AK6: variants seen among roughly 807,000 people sequenced by gnomAD.
AK6 encodes adenylate kinase 6, also known as adenylate kinase isoenzyme 6.
In AK6, 24 loss-of-function variants were observed where a neutral mutation model predicts 23.7. That is an observed-to-expected ratio of 1.01 (90% CI 0.73 to 1.43). The LOEUF (loss-of-function observed/expected upper bound fraction) is 1.43. AK6 is among the 40% of genes most tolerant of loss of function. AK6 has a pLI of 0.00. For missense variants in AK6, 191 were observed against 199.1 expected (o/e 0.96, Z 0.24); for synonymous variants, 73 against 69.8 (o/e 1.05, Z -0.23).
Position 69,352,056 on chromosome 5 carries a change from A to T in AK6, c.*5T>A. Reference sequence around the variant, plus strand: ...GAGTGATTATTAAGTAGCTAGCCTTATAAGTCAAGAGTTATGATCTTTGAT... The same window carrying T: ...GAGTGATTATTAAGTAGCTAGCCTTTTAAGTCAAGAGTTATGATCTTTGAT... On this transcript the variant is annotated 3_prime_UTR_variant, in exon 5 of 5. Coordinates refer to ENST00000380822, the MANE Select transcript of AK6 (RefSeq NM_016283.5). 1.3e-6 allele frequency: 2 copies of T among 1,599,496 alleles called. No individual in the cohort carries two copies. Among genetic ancestry groups the T allele is most frequent in the Non-Finnish European group, 1.7e-6 (2 of 1,174,068 alleles).
chr5:69,358,699 C>T (rs570337963), intron 2 of AK6, among the ~76,000 whole-genome samples: 1 of 151,832 alleles, frequency 6.6e-6, no homozygotes, highest in South Asian at 2.1e-4. Context: ...GAGAAATGAA[C>T]GGATCCTAAA....
Position 69,355,662 on chromosome 5 carries a change from T to C in AK6, c.313A>G (p.Arg105Gly), listed in dbSNP as rs762245287. Reference sequence around the variant, plus strand: ...TTCCTTTCTTACCTTGTTTCAAGTCTTTCGTACAATACATTGGTATCTGTT... The same window carrying C: ...TTCCTTTCTTACCTTGTTTCAAGTCCTTCGTACAATACATTGGTATCTGTT... Reference protein sequence around the residue: ...LRTDTNVLYERLETRGYNEKK... With the variant: ...LRTDTNVLYEGLETRGYNEKK... The change falls in exon 4 of 5, where the codon AGA becomes GGA. Residue 105 changes from arginine (R) to glycine (G), a missense_variant. Coordinates refer to ENST00000380822, the MANE Select transcript of AK6 (RefSeq NM_016283.5). The C allele has an allele frequency of 6.2e-7, 1 of 1,605,056 alleles. No homozygotes were observed. The highest frequency in any genetic ancestry group is 1.1e-5 in the South Asian group (1 of 88,294).
At chr5:69,365,084 T>G (rs772138447) in intron 2 of AK6, 2 of 1,614,138 alleles carry the variant, frequency 1.2e-6, no homozygotes, top group African/African-American at 2.7e-5. Flanking sequence ...TGGACCCGAT[T>G]AATGATGGAT....
chr5:69,353,848 C>T (rs1432090427), intron 4 of AK6, among the ~76,000 whole-genome samples: 3 of 152,152 alleles, frequency 2.0e-5, no homozygotes, highest in Admixed American at 6.6e-5. Flanking sequence ...CAGCTCACTG[C>T]AGCCTCAACC....
intron 2 of AK6, among the ~76,000 whole-genome samples, chr5:69,361,189 T>G (rs1161921967): frequency 1.3e-5 from 2 of 152,168 alleles, no homozygotes; most frequent in African/African-American, 4.8e-5. Context: ...AGTCTCACTC[T>G]GTCGCCCAGG....
chr5:69,356,326 C>T (rs1027956695), intron 2 of AK6, among the ~76,000 whole-genome samples: 3 of 152,054 alleles, frequency 2.0e-5, no homozygotes, highest in African/African-American at 7.2e-5. Flanking sequence ...GATACAAACA[C>T]ACTCACATAC....
chr5:69,361,159 ACT>A (rs1039221669), intron 2 of AK6, among the ~76,000 whole-genome samples: 2 of 151,642 alleles, frequency 1.3e-5, no homozygotes, highest in South Asian at 2.1e-4. Flanking sequence ...CCACAGTAAG[ACT>A]CTTTTTTTTT....
At chr5:69,367,226 T>G (rs1032915130) in intron 1 of AK6, among the ~76,000 whole-genome samples, 3 of 151,808 alleles carry the variant, frequency 2.0e-5, no homozygotes, top group Admixed American at 2.0e-4. Context: ...AAATTAGCCA[T>G]CTCGTGCTGG....
In AK6 at chr5:69,358,408, C is replaced by G. The variant is rs575905370; in HGVS notation, c.122-2455G>C. Among the ~76,000 whole-genome samples, 445 of 150,788 alleles carry G rather than the reference C, an allele frequency of 3.0e-3. 1 individual carries two copies. Among genetic ancestry groups the G allele is most frequent in the Non-Finnish European group, 3.5e-3 (236 of 67,860 alleles). ...TGGTGGCGGGTGCCTGTAATCCCAG[C>G]TGCTTGGGAGGTTGAGGCAGGAGAA... is the stretch of plus-strand genomic sequence containing the variant. On this transcript the variant is annotated intron_variant, in intron 2 of 4. Coordinates refer to ENST00000380822, the MANE Select transcript of AK6 (RefSeq NM_016283.5).
chr5:69,363,485 T>C (rs1762296772), intron 2 of AK6, among the ~76,000 whole-genome samples: 1 of 152,136 alleles, frequency 6.6e-6, no homozygotes, highest in East Asian at 1.9e-4. Flanking sequence ...TTCATATAGA[T>C]ATAAAACAGA....
At chr5:69,353,823 G>A (rs1408891880) in intron 4 of AK6, among the ~76,000 whole-genome samples, 1 of 152,116 alleles carries the variant, frequency 6.6e-6, no homozygotes, top group Non-Finnish European at 1.5e-5. Context: ...AGGCTGGAGT[G>A]CAGTGGTGCA....
Position 69,359,426 on chromosome 5 carries a change from G to T in AK6, c.122-3473C>A, listed in dbSNP as rs113486242. ...TGCCTGGCTAATTTTTGTATTTTTA[G>T]TAGAGATGGGGTTTCACCATGTTGG... On this transcript the variant is annotated intron_variant, in intron 2 of 4. Transcript: ENST00000380822. Among the ~76,000 whole-genome samples the T allele has an allele frequency of 6.1e-3, 933 of 152,076 alleles. 9 individuals carry two copies. Among genetic ancestry groups the T allele is most frequent in the African/African-American group, 0.021 (880 of 41,480 alleles).
chr5:69,361,197 A>C (rs1180557655), intron 2 of AK6, among the ~76,000 whole-genome samples: 1 of 152,136 alleles, frequency 6.6e-6, no homozygotes, highest in Non-Finnish European at 1.5e-5. Context: ...TCTGTCGCCC[A>C]GGCTAGAGTG....
intron 1 of AK6, 43 bp downstream of exon 1, chr5:69,369,420 C>A: frequency 6.2e-7 from 1 of 1,602,886 alleles, no homozygotes; most frequent in Non-Finnish European, 8.5e-7. Context: ...CTCTGCGCCC[C>A]CAGCCTGCCC....
Position 69,366,513 on chromosome 5 carries a change from T to C in AK6, c.111A>G (p.Leu37=), listed in dbSNP as rs1471871667. Residue 37 remains leucine, a synonymous_variant, in exon 2 of 5, where the codon TTA becomes TTG. Transcript: ENST00000380822. ...CAAAGTGTCCCTTACCTTCTCGAGC[T>C]AAATCACCCACATTAATGTATTTCA... is the stretch of plus-strand genomic sequence containing the variant. ...SGLKYINVGD[L]AREEQLYDGY... 6.2e-6 allele frequency: 10 copies of C among 1,613,494 alleles called. No homozygotes were observed. Among genetic ancestry groups the C allele is most frequent in the Non-Finnish European group, 8.5e-6 (10 of 1,179,746 alleles).
upstream of AK6, chr5:69,369,812 G>C: frequency 8.6e-7 from 1 of 1,157,336 alleles, no homozygotes; most frequent in Non-Finnish European, 1.2e-6. Context: ...AGGTCCCCGG[G>C]AGGCCGTACC....
chr5:69,356,238 A>G (rs1371507747), intron 2 of AK6, among the ~76,000 whole-genome samples: 1 of 152,214 alleles, frequency 6.6e-6, no homozygotes, highest in African/African-American at 2.4e-5. Flanking sequence ...CCAACTTCAG[A>G]ATTTGTGGGG....
chr5:69,369,492 G>C lies in AK6; in HGVS notation c.-2C>G, dbSNP rs1762763351. On this transcript the variant is annotated 5_prime_UTR_variant, in exon 1 of 5. Coordinates refer to ENST00000380822, the MANE Select transcript of AK6 (RefSeq NM_016283.5). ...GAGCAGGATGTTCGGAAGCAACATG[G>C]TCCCCGCCGCGACGGCTTCGGGCGC... The C allele has an allele frequency of 6.2e-7, 1 of 1,611,366 alleles. No homozygotes were observed.
At chr5:69,366,434 G>A in intron 2 of AK6, 69 bp downstream of exon 2, 11 of 1,199,550 alleles carry the variant, frequency 9.2e-6, no homozygotes, top group Middle Eastern at 2.7e-4. Flanking sequence ...ACAATACCCA[G>A]CACTAACACT....
Sources: allele counts gnomAD v4.1 joint callset (sites outside exome capture counted in the v4.1 genomes callset), GRCh38; gene constraint gnomAD v4.1.1; transcripts MANE v1.5; gene names NCBI Gene and HGNC (gene_info 2026-07-23, HGNC 2026-07-21).